CCSER1: variants seen among roughly 807,000 people sequenced by gnomAD.
CCSER1 encodes serine-rich coiled-coil domain-containing protein 1.
In CCSER1, 41 loss-of-function variants were observed where a neutral mutation model predicts 82.0. The ratio of observed to expected loss-of-function variants is 0.50; its 90% CI spans 0.39 to 0.65. The LOEUF (loss-of-function observed/expected upper bound fraction) is 0.65, where lower values mean the gene tolerates loss of function less well. Among genes scored for constraint, CCSER1 ranks in the 30% least tolerant of loss-of-function variants. CCSER1 has a pLI of 0.00. For missense variants in CCSER1, 1,119 were observed against 1,064.2 expected (o/e 1.05, Z -0.72); for synonymous variants, 414 against 383.9 (o/e 1.08, Z -0.92).
At chr4:90,336,901 A>G (rs993556024) in intron 3 of CCSER1, among the ~76,000 whole-genome samples, 4 of 152,222 alleles carry the variant, frequency 2.6e-5, no homozygotes, top group African/African-American at 9.6e-5. Flanking sequence ...TTAATGGCTG[A>G]TGTTTATTAA....
intron 10 of CCSER1, among the ~76,000 whole-genome samples, chr4:91,297,223 CTT>C (rs1196859837): frequency 1.3e-5 from 2 of 151,668 alleles, no homozygotes; most frequent in Non-Finnish European, 2.9e-5. Flanking sequence ...TTTTAATAAA[CTT>C]ATGTTATGTT....
intron 10 of CCSER1, among the ~76,000 whole-genome samples, chr4:91,558,586 G>A (rs185636492): frequency 6.6e-6 from 1 of 151,698 alleles, no homozygotes; most frequent in East Asian, 1.9e-4. Flanking sequence ...AGAAAAAGAG[G>A]TTTAATTGGA....
intron 10 of CCSER1, among the ~76,000 whole-genome samples, chr4:91,224,057 CTTT>C (rs5860224): frequency 4.3e-4 from 61 of 140,648 alleles, no homozygotes; most frequent in African/African-American, 1.5e-3. Context: ...CTCAAAGTGG[CTTT>C]TTTTTTTTTT....
chr4:91,471,979 A>G (rs1757302395), intron 10 of CCSER1, among the ~76,000 whole-genome samples: 1 of 151,274 alleles, frequency 6.6e-6, no homozygotes, highest in Middle Eastern at 3.4e-3. Flanking sequence ...CAAAAAAAAA[A>G]AAAAAAAGAA....
Position 90,810,126 on chromosome 4 carries a change from C to T in CCSER1, c.2011-5636C>T, listed in dbSNP as rs564790583. On this transcript the variant is annotated intron_variant, in intron 7 of 10. Transcript: ENST00000509176. ...TATTGGAAAAAAACATGAATTTGAG[C>T]ATCTTCTTTTTTTCAAATAGAGATG... Among the ~76,000 whole-genome samples the T allele has an allele frequency of 1.3e-4, 20 of 152,090 alleles. 1 individual carries two copies. The highest frequency in any genetic ancestry group is 3.6e-4 in the African/African-American group (15 of 41,484).
chr4:91,023,341 A>G (rs187143492), intron 9 of CCSER1, among the ~76,000 whole-genome samples: 347 of 152,312 alleles, frequency 2.3e-3, no homozygotes, highest in African/African-American at 7.0e-3. Flanking sequence ...AAGAGCCCGC[A>G]TTGCCAAGTC....
At chr4:91,176,612 T>A (rs983455634) in intron 10 of CCSER1, among the ~76,000 whole-genome samples, 114 of 151,584 alleles carry the variant, frequency 7.5e-4, no homozygotes, top group African/African-American at 2.8e-3. Flanking sequence ...ATGATTTGGC[T>A]CTCTGTTTGT....
At chr4:90,904,422 GC>G (rs1463411568) in intron 8 of CCSER1, among the ~76,000 whole-genome samples, 2 of 152,010 alleles carry the variant, frequency 1.3e-5, no homozygotes, top group African/African-American at 4.8e-5. Flanking sequence ...TTGCTCTCAA[GC>G]TTTTTTACTT....
At chr4:90,298,299 A>T (rs28822818) in intron 1 of CCSER1, among the ~76,000 whole-genome samples, 1 of 151,990 alleles carries the variant, frequency 6.6e-6, no homozygotes, top group African/African-American at 2.4e-5. Context: ...TTGTAGTATT[A>T]TCTGATGTTA....
intron 10 of CCSER1, chr4:91,325,113 C>A (rs867828771): frequency 1.2e-4 from 56 of 454,172 alleles, no homozygotes; most frequent in African/African-American, 1.0e-3. Context: ...AGAGGGAGTA[C>A]CTTATTTCTA....
chr4:91,311,652 A>G (rs1301552049), intron 10 of CCSER1, among the ~76,000 whole-genome samples: 1 of 151,956 alleles, frequency 6.6e-6, no homozygotes, highest in Admixed American at 6.6e-5. Flanking sequence ...TTTTAAAAAT[A>G]TAATCTATAA....
At chr4:91,355,859 C>T (rs953312521) in intron 10 of CCSER1, among the ~76,000 whole-genome samples, 1 of 152,106 alleles carries the variant, frequency 6.6e-6, no homozygotes, top group Non-Finnish European at 1.5e-5. Context: ...AGTCTAACAC[C>T]TCTACACAGT....
intron 1 of CCSER1, among the ~76,000 whole-genome samples, chr4:90,185,882 C>T (rs1437972735): frequency 1.3e-5 from 2 of 152,042 alleles, no homozygotes; most frequent in Non-Finnish European, 2.9e-5. Context: ...CTACATCCCT[C>T]ATTAGAGACC....
intron 5 of CCSER1, among the ~76,000 whole-genome samples, chr4:90,616,767 G>GA (rs112549281): frequency 0.039 from 5,872 of 149,674 alleles, 410 homozygotes; most frequent in African/African-American, 0.14. Context: ...GGGAGAGAGA[G>GA]AAAAAATGTT....
intron 1 of CCSER1, among the ~76,000 whole-genome samples, chr4:90,185,658 T>A (rs1422348987): frequency 6.6e-6 from 1 of 152,046 alleles, no homozygotes; most frequent in Non-Finnish European, 1.5e-5. Context: ...AGATGAATAA[T>A]GTCCCCAGTC....
chr4:90,278,505 A>G (rs867592173), intron 1 of CCSER1, among the ~76,000 whole-genome samples: 21 of 152,218 alleles, frequency 1.4e-4, no homozygotes, highest in Middle Eastern at 6.8e-3. Flanking sequence ...CATAAAAATA[A>G]TGAAATCAGT....
chr4:91,225,352 G>T (rs13136811), intron 10 of CCSER1, among the ~76,000 whole-genome samples: 5 of 68,388 alleles, frequency 7.3e-5, no homozygotes, highest in Non-Finnish European at 1.4e-4. Flanking sequence ...TAATATATAT[G>T]TATATATATT....
At chr4:90,946,082 A>G (rs1321301093) in intron 9 of CCSER1, among the ~76,000 whole-genome samples, 2 of 152,206 alleles carry the variant, frequency 1.3e-5, no homozygotes, top group African/African-American at 2.4e-5. Context: ...TAAAATTTTA[A>G]TAAGATAACT....
At chr4:90,875,549 G>A (rs888704014) in intron 8 of CCSER1, among the ~76,000 whole-genome samples, 1 of 152,124 alleles carries the variant, frequency 6.6e-6, no homozygotes, top group Non-Finnish European at 1.5e-5. Context: ...AAGTCCAAAT[G>A]CCTTAATACA....
Sources: allele counts gnomAD v4.1 joint callset (sites outside exome capture counted in the v4.1 genomes callset), GRCh38; gene constraint gnomAD v4.1.1; transcripts MANE v1.5; gene names NCBI Gene and HGNC (gene_info 2026-07-23, HGNC 2026-07-21).